SCFD1: variants seen among roughly 807,000 people sequenced by gnomAD.
The protein encoded by SCFD1 is sec1 family domain containing 1, also known as sec1 family domain-containing protein 1.
SCFD1 carries 37 observed loss-of-function variants against 103.2 expected under a neutral mutation model. That is an observed-to-expected ratio of 0.36 (90% CI 0.28 to 0.47). The LOEUF (loss-of-function observed/expected upper bound fraction) is 0.47. Among genes scored for constraint, SCFD1 ranks in the 20% least tolerant of loss-of-function variants. SCFD1 has a pLI of 1.00. For missense variants in SCFD1, 639 were observed against 761.2 expected (o/e 0.84, Z 1.89); for synonymous variants, 264 against 245.0 (o/e 1.08, Z -0.73).
chr14:30,697,654 A>T (rs1218252435), intron 15 of SCFD1, among the ~76,000 whole-genome samples: 1 of 152,210 alleles, frequency 6.6e-6, no homozygotes. Context: ...AAGGGCTAGT[A>T]GGATTCAGTG....
In SCFD1 at chr14:30,633,996, T is replaced by G. The variant is rs1884447332; in HGVS notation, c.271T>G (p.Phe91Val). Residue 91 changes from phenylalanine to valine, a missense_variant, in exon 4 of 25, where the codon TTT becomes GTT. By Grantham distance (50) the Phe-to-Val change is conservative (BLOSUM62 -1). Transcript: ENST00000458591. ...DPIPDVPAVY[F>V]VMPTEENIDR... The stretch of plus-strand genomic sequence containing the variant: ...TATTCCAGATGTTCCTGCAGTATAC[T>G]TTGTAATGCCAACTGAAGAAAATAT... The G allele has an allele frequency of 6.2e-7, 1 of 1,603,976 alleles. No individual in the cohort carries two copies. The highest frequency in any genetic ancestry group is 8.5e-7 in the Non-Finnish European group (1 of 1,173,326).
At chr14:30,679,156 T>C (rs1188147665) in intron 14 of SCFD1, among the ~76,000 whole-genome samples, 2 of 152,214 alleles carry the variant, frequency 1.3e-5, no homozygotes, top group African/African-American at 4.8e-5. Flanking sequence ...CAGTGGCCAG[T>C]AGCCACATTA....
intron 11 of SCFD1, among the ~76,000 whole-genome samples, chr14:30,672,917 CTT>C (rs1888690954): frequency 6.6e-6 from 1 of 152,110 alleles, no homozygotes; most frequent in South Asian, 2.1e-4. Flanking sequence ...TATAACATGA[CTT>C]GTCTTCCATT....
At chr14:30,638,344 C>A in intron 5 of SCFD1, 97 bp downstream of exon 5, 2 of 1,533,812 alleles carry the variant, frequency 1.3e-6, no homozygotes, top group Non-Finnish European at 1.8e-6. Context: ...TGACAGATGA[C>A]CAGAACAACA....
At chr14:30,684,415 C>T (rs1214323918) in intron 14 of SCFD1, among the ~76,000 whole-genome samples, 1 of 152,144 alleles carries the variant, frequency 6.6e-6, no homozygotes, top group African/African-American at 2.4e-5. Flanking sequence ...TGGGCTATAG[C>T]CAGTCAAATG....
intron 23 of SCFD1, among the ~76,000 whole-genome samples, chr14:30,727,631 T>C (rs1316159382): frequency 6.6e-6 from 1 of 152,186 alleles, no homozygotes; most frequent in Non-Finnish European, 1.5e-5. Flanking sequence ...ACCAAAATAA[T>C]GTTACCTTTC....
intron 7 of SCFD1, among the ~76,000 whole-genome samples, chr14:30,648,991 A>T (rs1303227598): frequency 2.0e-5 from 3 of 151,196 alleles, no homozygotes; most frequent in Non-Finnish European, 4.4e-5. Flanking sequence ...AAAAAAAAAA[A>T]GGAAAGAAAA....
intron 17 of SCFD1, among the ~76,000 whole-genome samples, chr14:30,703,958 T>C (rs900096209): frequency 2.0e-5 from 1 of 49,052 alleles, no homozygotes; most frequent in Non-Finnish European, 3.0e-5. Context: ...TATATATATA[T>C]ATATAAATAA....
intron 1 of SCFD1, among the ~76,000 whole-genome samples, chr14:30,625,661 G>GTATAGGTA (rs1038001124): frequency 6.6e-6 from 1 of 151,976 alleles, no homozygotes; most frequent in African/African-American, 2.4e-5. Flanking sequence ...ACCTATATAG[G>GTATAGGTA]TATAGGTATA....
chr14:30,636,859 A>G (rs978479182), intron 4 of SCFD1, among the ~76,000 whole-genome samples: 5 of 152,066 alleles, frequency 3.3e-5, no homozygotes, highest in Admixed American at 3.3e-4. Context: ...ATTGATTTTT[A>G]TGTATTTATC....
chr14:30,626,332 A>G (rs1251044789), intron 1 of SCFD1, among the ~76,000 whole-genome samples: 2 of 152,104 alleles, frequency 1.3e-5, no homozygotes, highest in Non-Finnish European at 2.9e-5. Context: ...CCTGATAGCA[A>G]TAACTTAAGC....
At chr14:30,717,629 A>G (rs887813458) in intron 20 of SCFD1, among the ~76,000 whole-genome samples, 1 of 151,982 alleles carries the variant, frequency 6.6e-6, no homozygotes, top group Non-Finnish European at 1.5e-5. Context: ...CGGTGGTTCA[A>G]GCCTGTAATC....
chr14:30,652,254 T>C (rs1886465460), intron 9 of SCFD1: 1 of 152,220 alleles, frequency 6.6e-6, no homozygotes, highest in Non-Finnish European at 1.5e-5. Context: ...ATAGTGCCTC[T>C]AAAGCAGATC....
At chr14:30,671,320 C>G (rs985452631) in intron 11 of SCFD1, among the ~76,000 whole-genome samples, 3 of 151,852 alleles carry the variant, frequency 2.0e-5, no homozygotes, top group African/African-American at 7.3e-5. Context: ...GTTTTAGGTA[C>G]TATTTTAATT....
intron 7 of SCFD1, among the ~76,000 whole-genome samples, chr14:30,647,780 A>C (rs1885984775): frequency 6.6e-6 from 1 of 152,038 alleles, no homozygotes; most frequent in Non-Finnish European, 1.5e-5. Context: ...CCTCCTGAGT[A>C]GCTGGGATTA....
Position 30,704,196 on chromosome 14 carries a change from G to C in SCFD1, c.1491-1627G>C, listed in dbSNP as rs200237698. 2.0e-5 allele frequency among the ~76,000 whole-genome samples: 3 copies of C among 151,388 alleles called. No homozygotes were observed. The East Asian group carries it at 5.8e-4, about 29-fold the overall frequency. ...ACATATGACAGATTTTTTTTCTAGA[G>C]ACAAGGTCTTGCTCTGCCACTCAGG... On this transcript the variant is annotated intron_variant, in intron 17 of 24. Coordinates refer to ENST00000458591, the MANE Select transcript of SCFD1 (RefSeq NM_016106.4).
chr14:30,710,700 G>T (rs10146053), intron 19 of SCFD1, among the ~76,000 whole-genome samples: 5,559 of 152,194 alleles, frequency 0.037, 324 homozygotes, highest in African/African-American at 0.12. Context: ...TAAACTCAGA[G>T]AAATCCATGT....
At chr14:30,628,025 C>G (rs570766841) in intron 1 of SCFD1, among the ~76,000 whole-genome samples, 184 bp from the exon 2 acceptor site, 3 of 152,206 alleles carry the variant, frequency 2.0e-5, no homozygotes, top group African/African-American at 7.2e-5. Flanking sequence ...AAATACATGT[C>G]AATTAGCTGT....
In SCFD1 at chr14:30,643,296, C is replaced by CT; in HGVS notation, c.524-16dup. ...CATAAGTTTGGGTCAACTTTTTCTCCTTTTCCTATGTCATTTTAGCCATTA... is the reference window on the plus strand; with the variant it reads ...CATAAGTTTGGGTCAACTTTTTCTCCTTTTTCCTATGTCATTTTAGCCATTA... On this transcript the variant is annotated intron_variant, in intron 6 of 24. Coordinates refer to ENST00000458591, the MANE Select transcript of SCFD1 (RefSeq NM_016106.4). 2 of 1,535,600 alleles carry CT rather than the reference C, an allele frequency of 1.3e-6. No individual in the cohort carries two copies. The highest frequency in any genetic ancestry group is 1.8e-6 in the Non-Finnish European group (2 of 1,108,962).
Sources: allele counts gnomAD v4.1 joint callset (sites outside exome capture counted in the v4.1 genomes callset), GRCh38; gene constraint gnomAD v4.1.1; transcripts MANE v1.5; gene names NCBI Gene and HGNC (gene_info 2026-07-23, HGNC 2026-07-21).